CSGALNACT1: variants seen among roughly 807,000 people sequenced by gnomAD.
CSGALNACT1 encodes the protein beta4GalNAcT-1.
A neutral mutation model predicts 51.0 loss-of-function variants in CSGALNACT1; 52 were observed. The ratio of observed to expected loss-of-function variants is 1.02; its 90% CI spans 0.82 to 1.29. The LOEUF (loss-of-function observed/expected upper bound fraction) is 1.29. CSGALNACT1 is among the 50% of genes most tolerant of loss of function. The probability of loss-of-function intolerance (pLI) is 0.00; values close to 1 mark genes in which losing one functional copy is unlikely to be tolerated. For synonymous variants in CSGALNACT1, 341 were observed against 254.4 expected, an observed-to-expected ratio of 1.34 and a Z score of -3.24; for missense variants, 935 against 679.2, an observed-to-expected ratio of 1.38 and a Z score of -4.19.
exon 10 of CSGALNACT1, chr8:19,404,885 T>C (rs1418540243): frequency 2.2e-6 from 1 of 454,452 alleles, no homozygotes; most frequent in Non-Finnish European, 4.4e-6. Flanking sequence ...AAAATACTCT[T>C]CAGAGAAAGT....
intron 3 of CSGALNACT1, among the ~76,000 whole-genome samples, chr8:19,584,907 G>A (rs1208559552): frequency 3.9e-5 from 6 of 152,182 alleles, no homozygotes; most frequent in Admixed American, 3.3e-4. Flanking sequence ...GGTACCAACC[G>A]TAGACAGCAG....
chr8:19,430,638 T>C (rs2059514558), intron 6 of CSGALNACT1, among the ~76,000 whole-genome samples: 2 of 152,154 alleles, frequency 1.3e-5, no homozygotes, highest in Non-Finnish European at 2.9e-5. Context: ...AGAGTATGAG[T>C]CCTCCAATTT....
intron 6 of CSGALNACT1, among the ~76,000 whole-genome samples, chr8:19,423,519 T>C (rs2058284002): frequency 6.6e-6 from 1 of 152,204 alleles, no homozygotes; most frequent in Non-Finnish European, 1.5e-5. Context: ...CTGTTGCTAA[T>C]AAATGCTGTT....
At chr8:19,471,062 C>G (rs548544689) in intron 4 of CSGALNACT1, among the ~76,000 whole-genome samples, 1 of 151,940 alleles carries the variant, frequency 6.6e-6, no homozygotes, top group African/African-American at 2.4e-5. Context: ...CACCACTGCA[C>G]TCCAGCCTGA....
intron 3 of CSGALNACT1, among the ~76,000 whole-genome samples, chr8:19,579,410 C>A (rs1294823195): frequency 6.6e-6 from 1 of 152,208 alleles, no homozygotes; most frequent in African/African-American, 2.4e-5. Context: ...CAGGTCTCAG[C>A]CAACACTTCC....
In CSGALNACT1 at chr8:19,478,392, C is replaced by T. The variant is rs375773874; in HGVS notation, c.635-19750G>A. Among the ~76,000 whole-genome samples the T allele has an allele frequency of 5.1e-4, 59 of 116,524 alleles. 1 individual carries two copies. In the South Asian group the frequency reaches 0.015, roughly 29 times the overall value. The allele number at this position is 116,524 out of a possible 152,430, so 76.4% of individuals were successfully genotyped here. A position where few individuals can be genotyped will look rare whatever the true frequency, so the allele number is the denominator to read the frequency against. On this transcript the variant is annotated intron_variant, in intron 4 of 9. Coordinates refer to ENST00000454498, the Ensembl canonical transcript of CSGALNACT1. Reference sequence around the variant, plus strand: ...TCGCACCACTGCACTCCAGCCTGGGCGACAGAGCGAGACTCCGTCTCAAAA... The same window carrying T: ...TCGCACCACTGCACTCCAGCCTGGGTGACAGAGCGAGACTCCGTCTCAAAA...
At chr8:19,739,401 G>A (rs2064174641) in intron 1 of CSGALNACT1, among the ~76,000 whole-genome samples, 1 of 152,050 alleles carries the variant, frequency 6.6e-6, no homozygotes. Context: ...CCACCTTTTA[G>A]CTGCTGTTAC....
intron 3 of CSGALNACT1, among the ~76,000 whole-genome samples, chr8:19,511,381 A>G (rs2078437222): frequency 6.6e-6 from 1 of 152,340 alleles, no homozygotes; most frequent in African/African-American, 2.4e-5. Flanking sequence ...AAGGGCACAA[A>G]CTAACCTTCA....
At chr8:19,475,319 TA>T (rs2069278307) in intron 4 of CSGALNACT1, among the ~76,000 whole-genome samples, 1 of 152,284 alleles carries the variant, frequency 6.6e-6, no homozygotes, top group South Asian at 2.1e-4. Flanking sequence ...GTGAGTCACA[TA>T]AGGAGGTCTC....
At chr8:19,723,312 C>G (rs185194086) in intron 1 of CSGALNACT1, among the ~76,000 whole-genome samples, 1 of 152,124 alleles carries the variant, frequency 6.6e-6, no homozygotes, top group African/African-American at 2.4e-5. Context: ...AACGTGCTAA[C>G]GAAAGACAAG....
At chr8:19,603,701 T>C (rs1050894176), upstream of CSGALNACT1, among the ~76,000 whole-genome samples, 2 of 152,222 alleles carry the variant, frequency 1.3e-5, no homozygotes, top group African/African-American at 2.4e-5. Context: ...TTCTGTGTTT[T>C]AGCTTGCAGG....
At chr8:19,670,672 A>G (rs1017185163) in intron 1 of CSGALNACT1, among the ~76,000 whole-genome samples, 38 of 144,206 alleles carry the variant, frequency 2.6e-4, no homozygotes, top group South Asian at 1.3e-3. Context: ...AAAAAAAAAA[A>G]AGAGAAAATA....
At chr8:19,694,275 C>G (rs2061475329) in intron 1 of CSGALNACT1, among the ~76,000 whole-genome samples, 1 of 152,220 alleles carries the variant, frequency 6.6e-6, no homozygotes, top group South Asian at 2.1e-4. Flanking sequence ...AATGATTATG[C>G]TTTTGGCAGC....
intron 3 of CSGALNACT1, among the ~76,000 whole-genome samples, chr8:19,554,874 C>T (rs1447362660): frequency 2.6e-5 from 4 of 151,968 alleles, no homozygotes; most frequent in African/African-American, 4.8e-5. Context: ...GCCAAGATCC[C>T]GCCACTGCAT....
At position 19,713,419 on chromosome 8, in the gene CSGALNACT1, C is replaced by T. The variant is rs12675171; in HGVS notation, c.-297+44431G>A. 3.5e-3 allele frequency among the ~76,000 whole-genome samples: 534 copies of T among 152,154 alleles called. 7 individuals are homozygous for T. Among genetic ancestry groups the T allele is most frequent in the Admixed American group, 0.024 (360 of 15,272 alleles). ...GGATGAAGACTTAGTAAGTGTTATG[C>T]GTTGAATTGTGTCCCCACTAAAAAA... On this transcript the variant is annotated intron_variant, in intron 1 of 1. Transcript: ENST00000517494.
At position 19,404,702 on chromosome 8, in the gene CSGALNACT1, C is replaced by A. The variant is rs116759812; in HGVS notation, c.*1078G>T. 3,565 of 454,300 alleles carry A rather than the reference C, an allele frequency of 7.8e-3. 102 individuals are homozygous for A. Among genetic ancestry groups the A allele is most frequent in the African/African-American group, 0.064 (3,197 of 50,022 alleles). 28.1% of individuals were successfully genotyped at this position (454,300 alleles called of 1,614,324 possible). ...TTGAAAAGAGATTGTTTGGTTCACA[C>A]GGTATACTTTGGTTTATTTAAACAG... On this transcript the variant is annotated 3_prime_UTR_variant, in exon 10 of 10. Coordinates refer to ENST00000454498, the Ensembl canonical transcript of CSGALNACT1.
At chr8:19,694,339 C>T (rs1413743829) in intron 1 of CSGALNACT1, among the ~76,000 whole-genome samples, 1 of 152,202 alleles carries the variant, frequency 6.6e-6, no homozygotes, top group Non-Finnish European at 1.5e-5. Flanking sequence ...CTGGAAGCTT[C>T]TTGTTCTGTA....
intron 1 of CSGALNACT1, among the ~76,000 whole-genome samples, chr8:19,701,152 C>CTTT (rs1230956394): frequency 1.8e-5 from 1 of 54,318 alleles, no homozygotes; most frequent in African/African-American, 5.9e-5. Flanking sequence ...ATCTATTATC[C>CTTT]GTTTTTTTTT....
chr8:19,559,999 C>T (rs191288482), intron 3 of CSGALNACT1, among the ~76,000 whole-genome samples: 14 of 152,266 alleles, frequency 9.2e-5, no homozygotes, highest in South Asian at 4.1e-4. Context: ...CTTAAGAAGA[C>T]GCAGTAATTA....
Sources: gnomAD v4.1 joint callset for allele counts (sites outside exome capture counted in the v4.1 genomes callset) on GRCh38, gnomAD v4.1.1 for gene constraint, MANE v1.5 for transcripts, NCBI Gene and HGNC (gene_info 2026-07-23, HGNC 2026-07-21) for gene names.